The following HHIP variants were observed in gnomAD, a reference collection of about 807,000 sequenced individuals.
HHIP encodes the protein hedgehog interacting protein.
In HHIP, 12 loss-of-function variants were observed where a neutral mutation model predicts 74.0. The observed-to-expected ratio is 0.16, with a 90% CI of 0.10 to 0.26. The LOEUF (loss-of-function observed/expected upper bound fraction) is 0.26. Ranked by LOEUF, HHIP falls within the 10% of genes least tolerant of loss-of-function variation. The pLI is 1.00. For synonymous variants in HHIP, 309 were observed against 311.6 expected, an observed-to-expected ratio of 0.99 and a Z score of 0.09; for missense variants, 788 against 845.0, an observed-to-expected ratio of 0.93 and a Z score of 0.84.
intron 4 of HHIP, among the ~76,000 whole-genome samples, chr4:144,701,320 TTTC>T (rs1374789431): frequency 1.0e-5 from 1 of 100,422 alleles, no homozygotes; most frequent in Non-Finnish European, 2.1e-5. Context: ...AAGCTGTTTT[TTTC>T]TTTTTTTTTT....
chr4:144,693,561 A>G (rs1729733654), intron 4 of HHIP, among the ~76,000 whole-genome samples: 1 of 151,866 alleles, frequency 6.6e-6, no homozygotes, highest in East Asian at 1.9e-4. Flanking sequence ...GGTTATTTGT[A>G]CTCCTCAGAG....
In HHIP at chr4:144,715,177, C is replaced by T; in HGVS notation, c.1548-123C>T. 1.2e-5 allele frequency: 10 copies of T among 841,554 alleles called. 1 individual carries two copies. The South Asian group carries it at 1.8e-4, about 15-fold the overall frequency. The allele number at this position is 841,554 out of a possible 1,614,324, so 52.1% of individuals were successfully genotyped here. Reference sequence around the variant, plus strand: ...CACGTTATGGGCTATGTTATTTTTCCCTTTAGAAGCCAGGTCTATGGCAAA... The same window carrying T: ...CACGTTATGGGCTATGTTATTTTTCTCTTTAGAAGCCAGGTCTATGGCAAA... On this transcript the variant is annotated intron_variant, in intron 9 of 12. Transcript: ENST00000296575.
At position 144,647,083 on chromosome 4, in the gene HHIP, T is replaced by C. The variant is rs1048685865; in HGVS notation, c.279+129T>C. On this transcript the variant is annotated intron_variant, in intron 1 of 12. Transcript: ENST00000296575. ...TTGGGGGAGTTCTTTCCATAACTTT[T>C]CTATAGCGCTAACGTGATTCCGTTG... The C allele has an allele frequency of 6.9e-6, 5 of 728,260 alleles. No individual in the cohort carries two copies. The Admixed American group carries it at 1.4e-4, about 21-fold the overall frequency. 45.1% of individuals were successfully genotyped at this position (728,260 alleles called of 1,614,324 possible).
intron 1 of HHIP, among the ~76,000 whole-genome samples, chr4:144,647,787 C>A (rs186271585): frequency 6.6e-6 from 1 of 152,278 alleles, no homozygotes; most frequent in African/African-American, 2.4e-5. Context: ...TGGGTGGTAT[C>A]TACTGTACTC....
At chr4:144,696,605 A>G (rs1475575305) in intron 4 of HHIP, among the ~76,000 whole-genome samples, 2 of 151,888 alleles carry the variant, frequency 1.3e-5, no homozygotes, top group Admixed American at 6.6e-5. Context: ...GGGCACTGTA[A>G]CATAATAGTT....
At chr4:144,707,695 TCA>T (rs1264882291) in intron 6 of HHIP, among the ~76,000 whole-genome samples, 1 of 135,608 alleles carries the variant, frequency 7.4e-6, no homozygotes, top group Admixed American at 7.6e-5. Flanking sequence ...TCAGCCACCA[TCA>T]CACAGTGTCT....
intron 4 of HHIP, among the ~76,000 whole-genome samples, chr4:144,689,052 T>C (rs1000652285): frequency 6.6e-6 from 1 of 152,208 alleles, no homozygotes; most frequent in African/African-American, 2.4e-5. Context: ...AAAAAAAGAA[T>C]CTTTCTATCA....
chr4:144,736,274 T>C (rs900541260), intron 12 of HHIP, among the ~76,000 whole-genome samples: 1 of 151,796 alleles, frequency 6.6e-6, no homozygotes, highest in African/African-American at 2.4e-5. Context: ...TAGCTTGGAT[T>C]ATAGGCGCCC....
Position 144,744,686 on chromosome 4 carries a change from T to C in HHIP, c.*6729T>C, listed in dbSNP as rs1222242118. 2.6e-5 allele frequency: 4 copies of C among 152,238 alleles called. No individual in the cohort carries two copies. The highest frequency in any genetic ancestry group is 9.6e-5 in the African/African-American group (4 of 41,464). The allele number at this position is 152,238 out of a possible 1,614,324, so 9.4% of individuals were successfully genotyped here. The stretch of plus-strand genomic sequence containing the variant: ...GTTCTCTTTAATCAATCTTCTATTA[T>C]TCAATCATCTATCCATTTATTAATT... On this transcript the variant is annotated 3_prime_UTR_variant, in exon 13 of 13. Transcript: ENST00000296575.
intron 11 of HHIP, among the ~76,000 whole-genome samples, chr4:144,730,083 A>T (rs147022767): frequency 2.0e-4 from 30 of 152,258 alleles, no homozygotes; most frequent in Admixed American, 1.2e-3. Context: ...GAATACCACT[A>T]CCCAAAGACA....
chr4:144,679,049 CT>C (rs1729257654), intron 4 of HHIP, among the ~76,000 whole-genome samples: 1 of 152,158 alleles, frequency 6.6e-6, no homozygotes, highest in African/African-American at 2.4e-5. Context: ...CTGTTGTTTC[CT>C]GACTTTTTAA....
At chr4:144,670,035 T>C (rs998386041) in intron 4 of HHIP, among the ~76,000 whole-genome samples, 4 of 150,884 alleles carry the variant, frequency 2.7e-5, no homozygotes, top group African/African-American at 9.7e-5. Context: ...TCCCAGCTAC[T>C]TGGGAGGCTG....
In HHIP at chr4:144,715,371, G is replaced by A. The variant is rs750207849; in HGVS notation, c.1619G>A (p.Ser540Asn). Residue 540 changes from serine (S) to asparagine (N), a missense_variant, in exon 10 of 13, where the codon AGT (serine) becomes AAT (asparagine). Physicochemically the swap from Ser to Asn is conservative, Grantham distance 46 (BLOSUM62 1). Around this residue, in one of 3 missense-constraint regions of HHIP, gnomAD observed 343 missense variants for 347.9 expected, o/e 0.99. Coordinates refer to ENST00000296575, the MANE Select transcript of HHIP (RefSeq NM_022475.3). Reference sequence around the variant, plus strand: ...GAAAAACCACTCTGTCTCGGCACTAGTGGGTCCTGTAGAGGCTACTTTTCC... The same window carrying A: ...GAAAAACCACTCTGTCTCGGCACTAATGGGTCCTGTAGAGGCTACTTTTCC... ...WQEKPLCLGTSGSCRGYFSGH... is the reference protein window; with the variant it reads ...WQEKPLCLGTNGSCRGYFSGH... 1 of 1,613,560 alleles carries A rather than the reference G, an allele frequency of 6.2e-7. No individual in the cohort carries two copies. Among genetic ancestry groups the A allele is most frequent in the Non-Finnish European group, 8.5e-7 (1 of 1,179,596 alleles).
Position 144,646,585 on chromosome 4 carries a change from C to A in HHIP, c.-91C>A. ...CTGGAGTGCCCTACAGCCCCGCAAA[C>A]TCCTCCTGGAGCTGCGCCCTAGTGC... On this transcript the variant is annotated 5_prime_UTR_variant, in exon 1 of 13. Coordinates refer to ENST00000296575, the MANE Select transcript of HHIP (RefSeq NM_022475.3). The A allele has an allele frequency of 7.3e-7, 1 of 1,376,940 alleles. No homozygotes were observed. The highest frequency in any genetic ancestry group is 1.0e-6 in the Non-Finnish European group (1 of 1,003,378). 85.3% of individuals were successfully genotyped at this position (1,376,940 alleles called of 1,614,324 possible). A position where few individuals can be genotyped will look rare whatever the true frequency, so the allele number is the denominator to read the frequency against.
At chr4:144,664,830 T>C (rs955206092) in intron 4 of HHIP, among the ~76,000 whole-genome samples, 2 of 152,258 alleles carry the variant, frequency 1.3e-5, no homozygotes, top group African/African-American at 4.8e-5. Flanking sequence ...ATGGCATTTT[T>C]ACTTTTTGAC....
At chr4:144,656,167 A>G (rs1205840908) in intron 2 of HHIP, among the ~76,000 whole-genome samples, 4 of 152,198 alleles carry the variant, frequency 2.6e-5, no homozygotes, top group Admixed American at 2.6e-4. Flanking sequence ...AAGGTAAAGT[A>G]TTAATAAAAG....
chr4:144,713,249 C>T (rs1255697529), intron 8 of HHIP, among the ~76,000 whole-genome samples: 1 of 152,050 alleles, frequency 6.6e-6, no homozygotes, highest in African/African-American at 2.4e-5. Context: ...TGTCACACAA[C>T]ACAAAGTGGC....
intron 4 of HHIP, among the ~76,000 whole-genome samples, chr4:144,698,994 C>A (rs1420980189): frequency 6.6e-6 from 1 of 152,140 alleles, no homozygotes; most frequent in Non-Finnish European, 1.5e-5. Context: ...TTTTCTGACA[C>A]CAAATGAGAG....
chr4:144,677,047 T>C (rs1412555389), intron 4 of HHIP, among the ~76,000 whole-genome samples: 1 of 152,200 alleles, frequency 6.6e-6, no homozygotes, highest in African/African-American at 2.4e-5. Context: ...CTAGGGACTC[T>C]GTGTCTCTTC....
Sources: allele counts gnomAD v4.1 joint callset (sites outside exome capture counted in the v4.1 genomes callset), GRCh38; gene constraint gnomAD v4.1.1; regional missense constraint gnomAD v4.1.1; transcripts MANE v1.5; gene names NCBI Gene and HGNC (gene_info 2026-07-23, HGNC 2026-07-21).